The following RGS7 variants were observed in gnomAD, a reference collection of about 807,000 sequenced individuals.
The protein encoded by RGS7 is regulator of G protein signaling 7.
RGS7 carries 27 observed loss-of-function variants against 81.1 expected under a neutral mutation model. The observed-to-expected ratio is 0.33, with a 90% CI of 0.25 to 0.46. The LOEUF is 0.46. Ranked by LOEUF, RGS7 falls within the 20% of genes least tolerant of loss-of-function variation. The pLI is 1.00. For missense variants in RGS7, 396 were observed against 607.4 expected, an observed-to-expected ratio of 0.65 and a Z score of 3.66; for synonymous variants, 208 against 207.7, an observed-to-expected ratio of 1.00 and a Z score of -0.01.
At position 241,177,501 on chromosome 1, in the gene RGS7, AATATAAGAAGC is replaced by A. The variant is rs568400719; in HGVS notation, c.79-78750_79-78740del. Among the ~76,000 whole-genome samples the A allele has an allele frequency of 1.5e-3, 222 of 152,306 alleles. 1 individual carries two copies. Among genetic ancestry groups the A allele is most frequent in the Middle Eastern group, 6.8e-3 (2 of 294 alleles). On this transcript the variant is annotated intron_variant, in intron 2 of 18. Coordinates refer to ENST00000440928, the MANE Select transcript of RGS7 (RefSeq NM_001364886.1). ...ATTTATAAATTTGGGTTTTATTGTAAATATAAGAAGCCCCTTGAGGGTTATAAACAGTGATG... is the reference window on the plus strand; with the variant it reads ...ATTTATAAATTTGGGTTTTATTGTAACCCTTGAGGGTTATAAACAGTGATG...
chr1:241,290,697 A>G (rs902727534), intron 2 of RGS7, among the ~76,000 whole-genome samples: 1 of 152,216 alleles, frequency 6.6e-6, no homozygotes, highest in Admixed American at 6.5e-5. Context: ...TTAGTTTGGC[A>G]TGGGTTTGGA....
At chr1:241,149,356 T>C (rs560102892) in intron 2 of RGS7, among the ~76,000 whole-genome samples, 47 of 152,272 alleles carry the variant, frequency 3.1e-4, no homozygotes, top group Admixed American at 2.3e-3. Context: ...TTTGTATTTT[T>C]TGTAGAGACG....
At chr1:241,234,558 T>G (rs2075829024) in intron 2 of RGS7, among the ~76,000 whole-genome samples, 4 of 152,012 alleles carry the variant, frequency 2.6e-5, no homozygotes, top group Non-Finnish European at 5.9e-5. Context: ...CCTGAGTGGA[T>G]GAAGTGAAGT....
chr1:241,101,322 C>G lies in RGS7; in HGVS notation c.79-2560G>C, dbSNP rs368793359. 1.3e-3 allele frequency among the ~76,000 whole-genome samples: 204 copies of G among 152,166 alleles called. 1 individual carries two copies. Among genetic ancestry groups the G allele is most frequent in the African/African-American group, 4.6e-3 (191 of 41,528 alleles). On this transcript the variant is annotated intron_variant, in intron 2 of 18. Transcript: ENST00000440928. ...ACCAGCCTGGCCAACATGGCGCAAC[C>G]CTGTCTCTACTAAAAATACAAAAAT...
At chr1:241,031,756 T>C (rs1049172146) in intron 3 of RGS7, among the ~76,000 whole-genome samples, 2 of 152,234 alleles carry the variant, frequency 1.3e-5, no homozygotes, top group African/African-American at 4.8e-5. Flanking sequence ...ACATGCTTGT[T>C]GGCCATTTTT....
At chr1:241,236,625 G>C (rs1414910377) in intron 2 of RGS7, among the ~76,000 whole-genome samples, 1 of 152,104 alleles carries the variant, frequency 6.6e-6, no homozygotes, top group Non-Finnish European at 1.5e-5. Flanking sequence ...CTTGTGCTAA[G>C]CATGGTTTAA....
intron 3 of RGS7, among the ~76,000 whole-genome samples, chr1:241,069,885 T>C (rs935856224): frequency 6.6e-6 from 1 of 152,222 alleles, no homozygotes; most frequent in Non-Finnish European, 1.5e-5. Context: ...TCCTTCTATT[T>C]TACTGGGTAC....
chr1:241,263,391 T>C (rs574933505), intron 2 of RGS7, among the ~76,000 whole-genome samples: 169 of 152,268 alleles, frequency 1.1e-3, no homozygotes, highest in Non-Finnish European at 2.0e-3. Flanking sequence ...CTGGGGAACA[T>C]GTAGTGCCCG....
chr1:241,354,504 T>G (rs572420136), intron 2 of RGS7, among the ~76,000 whole-genome samples: 1 of 152,294 alleles, frequency 6.6e-6, no homozygotes, highest in East Asian at 1.9e-4. Flanking sequence ...ACAGCTAGCA[T>G]TGTACCAGGA....
intron 2 of RGS7, among the ~76,000 whole-genome samples, chr1:241,285,625 G>A (rs1432432372): frequency 6.6e-6 from 1 of 152,184 alleles, no homozygotes; most frequent in East Asian, 1.9e-4. Flanking sequence ...TGTCTATGGT[G>A]ACATGCTAAC....
At chr1:241,082,935 T>A (rs1203984579) in intron 3 of RGS7, among the ~76,000 whole-genome samples, 2 of 151,664 alleles carry the variant, frequency 1.3e-5, no homozygotes, top group African/African-American at 4.8e-5. Context: ...AGAAAAAGAA[T>A]TATATTAGGC....
Position 241,208,421 on chromosome 1 carries a change from A to T in RGS7, c.79-109659T>A, listed in dbSNP as rs1315920134. Among the ~76,000 whole-genome samples, 4 of 152,214 alleles carry T rather than the reference A, an allele frequency of 2.6e-5. No individual in the cohort carries two copies. The East Asian group carries it at 7.7e-4, about 29-fold the overall frequency. On this transcript the variant is annotated intron_variant, in intron 2 of 18. Transcript: ENST00000440928. ...GCAAGAAAGATGGGAAAACGGCAGC[A>T]ATTCTGTCTGCTGTGCTTTGTGTGT... is the stretch of plus-strand genomic sequence containing the variant.
chr1:241,069,301 T>G (rs2062285099), intron 3 of RGS7, among the ~76,000 whole-genome samples: 1 of 152,190 alleles, frequency 6.6e-6, no homozygotes, highest in Non-Finnish European at 1.5e-5. Flanking sequence ...TCTCACTTAT[T>G]CCATTTCTCC....
intron 9 of RGS7, among the ~76,000 whole-genome samples, chr1:240,867,740 C>A (rs1389324400): frequency 1.3e-5 from 2 of 152,162 alleles, no homozygotes; most frequent in Non-Finnish European, 2.9e-5. Flanking sequence ...GTGGCTCATG[C>A]CTGCAATCCC....
chr1:240,965,844 G>C (rs559392029), intron 4 of RGS7, among the ~76,000 whole-genome samples: 1 of 152,278 alleles, frequency 6.6e-6, no homozygotes, highest in East Asian at 1.9e-4. Flanking sequence ...AAATTTATTA[G>C]GCTGCTCTTG....
intron 2 of RGS7, among the ~76,000 whole-genome samples, chr1:241,122,042 C>T (rs2066306513): frequency 6.6e-6 from 1 of 152,050 alleles, no homozygotes; most frequent in African/African-American, 2.4e-5. Context: ...AGTTCTTTTC[C>T]AAGACTGCTT....
intron 3 of RGS7, among the ~76,000 whole-genome samples, chr1:241,083,355 T>G (rs1423858334): frequency 6.6e-6 from 1 of 152,000 alleles, no homozygotes; most frequent in African/African-American, 2.4e-5. Context: ...CATTCTTTAC[T>G]ATTTCTAACC....
At chr1:241,167,142 C>T (rs4659588) in intron 2 of RGS7, among the ~76,000 whole-genome samples, 41,102 of 151,980 alleles carry the variant, frequency 0.27, 5,720 homozygotes, top group East Asian at 0.37. Flanking sequence ...GGGGAGAGGA[C>T]GTGAATGACA....
At chr1:241,312,271 T>C (rs1281155851) in intron 2 of RGS7, among the ~76,000 whole-genome samples, 1 of 152,200 alleles carries the variant, frequency 6.6e-6, no homozygotes, top group South Asian at 2.1e-4. Context: ...GCAACTTACA[T>C]TCTAGTGAGA....
Sources: gnomAD v4.1 joint callset for allele counts (sites outside exome capture counted in the v4.1 genomes callset) on GRCh38, gnomAD v4.1.1 for gene constraint, MANE v1.5 for transcripts, NCBI Gene and HGNC (gene_info 2026-07-23, HGNC 2026-07-21) for gene names.